Variants in KIAA1217 observed in about 807,000 individuals in gnomAD.
KIAA1217 encodes the protein KIAA1217.
In KIAA1217, 88 loss-of-function variants were observed where a neutral mutation model predicts 163.9. The ratio of observed to expected loss-of-function variants is 0.54; its 90% CI spans 0.45 to 0.64. The LOEUF is 0.64. Among genes scored for constraint, KIAA1217 ranks in the 30% least tolerant of loss-of-function variants. The pLI is 0.00. For synonymous variants in KIAA1217, 903 were observed against 923.1 expected (o/e 0.98, Z 0.39); for missense variants, 2,372 against 2,475.0 (o/e 0.96, Z 0.88).
At chr10:23,729,755 C>T (rs1174219992) in intron 1 of KIAA1217, among the ~76,000 whole-genome samples, 5 of 152,088 alleles carry the variant, frequency 3.3e-5, no homozygotes, top group African/African-American at 1.2e-4. Context: ...AATTTCTTGA[C>T]AGTGTCTTTC....
At chr10:23,974,278 A>G (rs756715982) in intron 1 of KIAA1217, among the ~76,000 whole-genome samples, 2 of 152,178 alleles carry the variant, frequency 1.3e-5, no homozygotes, top group African/African-American at 2.4e-5. Context: ...CAGTTTGTCT[A>G]TAGAATGAGG....
chr10:23,884,808 G>A (rs1841101404), intron 1 of KIAA1217, among the ~76,000 whole-genome samples: 1 of 151,880 alleles, frequency 6.6e-6, no homozygotes, highest in South Asian at 2.1e-4. Flanking sequence ...TTTGTCCCCA[G>A]CAACTTGCTT....
chr10:24,108,670 C>T (rs940929011), intron 2 of KIAA1217, among the ~76,000 whole-genome samples: 1 of 152,090 alleles, frequency 6.6e-6, no homozygotes, highest in Non-Finnish European at 1.5e-5. Context: ...CAAGAAGCAG[C>T]TATTATTGTC....
At chr10:24,279,689 T>C (rs950922140) in intron 2 of KIAA1217, among the ~76,000 whole-genome samples, 1 of 152,204 alleles carries the variant, frequency 6.6e-6, no homozygotes, top group Non-Finnish European at 1.5e-5. Flanking sequence ...TATGGAAACT[T>C]ATAAAACTAA....
At chr10:24,372,745 C>T (rs1395418476) in intron 2 of KIAA1217, among the ~76,000 whole-genome samples, 3 of 152,122 alleles carry the variant, frequency 2.0e-5, no homozygotes, top group African/African-American at 4.8e-5. Context: ...CTAAATTATA[C>T]CCCAAAATTC....
At chr10:24,066,720 T>C (rs886926770) in intron 2 of KIAA1217, among the ~76,000 whole-genome samples, 3 of 152,240 alleles carry the variant, frequency 2.0e-5, no homozygotes, top group Admixed American at 2.0e-4. Flanking sequence ...TTCTCCTGGA[T>C]AATATCCTGC....
intron 2 of KIAA1217, among the ~76,000 whole-genome samples, chr10:24,314,793 A>C (rs1255622048): frequency 1.3e-5 from 2 of 152,028 alleles, no homozygotes; most frequent in Non-Finnish European, 2.9e-5. Context: ...ATACAAAAAA[A>C]ATCAGCCGGG....
chr10:24,245,303 C>T (rs959523739), intron 2 of KIAA1217, among the ~76,000 whole-genome samples: 4 of 152,164 alleles, frequency 2.6e-5, no homozygotes, highest in Admixed American at 6.5e-5. Flanking sequence ...TAGGAGTCCT[C>T]GGAGCTGTGG....
intron 2 of KIAA1217, among the ~76,000 whole-genome samples, chr10:24,374,828 C>T (rs575418551): frequency 1.3e-5 from 2 of 152,044 alleles, no homozygotes; most frequent in Non-Finnish European, 2.9e-5. Flanking sequence ...GTTCTTTCTC[C>T]CAGGCTGATG....
chr10:24,009,226 A>G (rs1372978009), intron 2 of KIAA1217, among the ~76,000 whole-genome samples: 3 of 152,196 alleles, frequency 2.0e-5, no homozygotes, highest in Non-Finnish European at 4.4e-5. Flanking sequence ...AGAATGTGGT[A>G]GGAGGAAAGA....
chr10:24,122,357 C>T (rs981262862), intron 2 of KIAA1217, among the ~76,000 whole-genome samples: 3 of 151,976 alleles, frequency 2.0e-5, no homozygotes, highest in Admixed American at 6.6e-5. Flanking sequence ...GTAGTATTCC[C>T]GGGTGTATAT....
rs78547787 is a variant in KIAA1217, at chr10:24,353,544, G to C, written c.355-27325G>C. Among the ~76,000 whole-genome samples, 547 of 152,242 alleles carry C rather than the reference G, an allele frequency of 3.6e-3. 4 individuals carry two copies. The highest frequency in any genetic ancestry group is 0.012 in the African/African-American group (509 of 41,538). The stretch of plus-strand genomic sequence containing the variant: ...CCCCGCTGATCACTCATGAACTGCA[G>C]TTGTACACCAGCTCCAAAAGTTCCA... On this transcript the variant is annotated intron_variant, in intron 2 of 20. Coordinates refer to ENST00000376454, the MANE Select transcript of KIAA1217 (RefSeq NM_019590.5).
In KIAA1217 at chr10:24,542,755, A is replaced by G. The variant is rs1193916580; in HGVS notation, c.3597A>G (p.Gln1199=). The G allele has an allele frequency of 1.2e-6, 2 of 1,614,174 alleles. No individual in the cohort carries two copies. The highest frequency in any genetic ancestry group is 1.7e-5 in the Admixed American group (1 of 60,020). Residue 1199 remains glutamine, a synonymous_variant, in exon 18 of 21, where the codon CAA becomes CAG. Transcript: ENST00000376454. The part of the protein sequence containing the change: ...KSDVEYENGP[Q]MEFQKVTTGA... ...ATGTTGAATATGAAAATGGCCCCCAAATGGAATTCCAAAAGGTGAGTTCAC... is the reference window on the plus strand; with the variant it reads ...ATGTTGAATATGAAAATGGCCCCCAGATGGAATTCCAAAAGGTGAGTTCAC...
intron 2 of KIAA1217, chr10:24,158,506 A>G: frequency 3.8e-6 from 2 of 522,078 alleles, no homozygotes; most frequent in South Asian, 2.9e-5. Flanking sequence ...AGCCTTAACC[A>G]AAGATGGGAG....
In KIAA1217 at chr10:23,752,666, G is replaced by A. The variant is rs16923808; in HGVS notation, c.-321+57432G>A. On this transcript the variant is annotated intron_variant, in intron 1 of 18. Transcript: ENST00000376462. Reference sequence around the variant, plus strand: ...GTATCATTTTTGACTATGTTTACTTGGAAATTATGCTTTTTACTCTTGTAT... The same window carrying A: ...GTATCATTTTTGACTATGTTTACTTAGAAATTATGCTTTTTACTCTTGTAT... Among the ~76,000 whole-genome samples, 490 of 151,968 alleles carry A rather than the reference G, an allele frequency of 3.2e-3. 2 individuals are homozygous for A. Among genetic ancestry groups the A allele is most frequent in the African/African-American group, 0.011 (458 of 41,426 alleles).
At chr10:24,141,802 A>G (rs2064095013) in intron 2 of KIAA1217, among the ~76,000 whole-genome samples, 1 of 152,142 alleles carries the variant, frequency 6.6e-6, no homozygotes, top group Non-Finnish European at 1.5e-5. Flanking sequence ...TCATATGTGA[A>G]CACCTGCTGG....
intron 2 of KIAA1217, chr10:24,275,872 G>T: frequency 2.3e-6 from 1 of 437,872 alleles, no homozygotes. Flanking sequence ...CTATAGCAAG[G>T]GCCCTGGCCA....
intron 1 of KIAA1217, among the ~76,000 whole-genome samples, chr10:23,873,421 T>C (rs1840550968): frequency 6.6e-6 from 1 of 152,056 alleles, no homozygotes; most frequent in African/African-American, 2.4e-5. Context: ...ACCTCTTCCA[T>C]GAAAATGCCA....
At chr10:24,444,326 T>C (rs1327486035) in intron 5 of KIAA1217, among the ~76,000 whole-genome samples, 1 of 152,196 alleles carries the variant, frequency 6.6e-6, no homozygotes, top group Non-Finnish European at 1.5e-5. Context: ...ATAAAATCTT[T>C]TACAAAATAA....
Sources: allele counts gnomAD v4.1 joint callset (sites outside exome capture counted in the v4.1 genomes callset), GRCh38; gene constraint gnomAD v4.1.1; transcripts MANE v1.5; gene names NCBI Gene and HGNC (gene_info 2026-07-23, HGNC 2026-07-21).